Variants in CSMD1 observed in about 807,000 individuals in gnomAD.
The protein encoded by CSMD1 is CUB and sushi domain-containing protein 1.
A neutral mutation model predicts 417.5 loss-of-function variants in CSMD1; 213 were observed. The ratio of observed to expected loss-of-function variants is 0.51; its 90% CI spans 0.46 to 0.57. CSMD1 has a LOEUF of 0.57. CSMD1 is among the 20% of genes least tolerant of loss of function. CSMD1 has a pLI of 0.00. For synonymous variants in CSMD1, 2,862 were observed against 1,736.8 expected (o/e 1.65, Z -16.11); for missense variants, 6,923 against 4,529.7 (o/e 1.53, Z -15.17).
intron 54 of CSMD1, among the ~76,000 whole-genome samples, chr8:2,980,498 C>T (rs1161806860): frequency 6.6e-6 from 1 of 151,984 alleles, no homozygotes; most frequent in Non-Finnish European, 1.5e-5. Context: ...CTTTCTCCTC[C>T]TCCTTATCAT....
intron 3 of CSMD1, among the ~76,000 whole-genome samples, chr8:4,080,554 G>C (rs967975571): frequency 6.6e-6 from 1 of 152,136 alleles, no homozygotes; most frequent in Non-Finnish European, 1.5e-5. Flanking sequence ...GGTTTCTCCA[G>C]AAGATAAAAC....
Position 3,106,577 on chromosome 8 carries a change from G to T in CSMD1, c.6900C>A (p.Cys2300Ter). ...CAAACTGCAACTGGGAACTGAGCTT[G>T]CAAGTCAGAATGTCGGTCCCCACCA... Reference protein sequence around the residue: ...YTLVGTDILTCKLSSQLQFEG... With the variant: ...YTLVGTDILT Residue 2300 changes from cysteine to a stop codon, truncating the protein, a stop_gained, in exon 46 of 70, where the codon TGC becomes TGA. Coordinates refer to ENST00000635120, the MANE Select transcript of CSMD1 (RefSeq NM_033225.6). LOFTEE classifies it high-confidence loss of function. 1 of 1,613,906 alleles carries T rather than the reference G, an allele frequency of 6.2e-7. No individual in the cohort carries two copies. The highest frequency in any genetic ancestry group is 8.5e-7 in the Non-Finnish European group (1 of 1,179,838).
intron 1 of CSMD1, among the ~76,000 whole-genome samples, chr8:4,689,415 GA>G (rs1160927389): frequency 2.0e-5 from 3 of 152,100 alleles, no homozygotes; most frequent in African/African-American, 7.2e-5. Context: ...TGTTTCATAA[GA>G]AATAAGAAAA....
chr8:3,384,865 A>T (rs569718980), intron 18 of CSMD1, among the ~76,000 whole-genome samples: 2 of 121,988 alleles, frequency 1.6e-5, no homozygotes, highest in Admixed American at 9.7e-5. Context: ...TTTATATGTA[A>T]ATATATATTA....
intron 3 of CSMD1, among the ~76,000 whole-genome samples, chr8:4,419,058 G>A (rs549965283): frequency 2.5e-4 from 38 of 152,110 alleles, no homozygotes; most frequent in Non-Finnish European, 3.7e-4. Context: ...CACAAAATAC[G>A]ATTTTTGCCT....
At chr8:3,627,620 G>A (rs367812779) in intron 7 of CSMD1, among the ~76,000 whole-genome samples, 2 of 152,220 alleles carry the variant, frequency 1.3e-5, no homozygotes, top group East Asian at 1.9e-4. Context: ...AAACTTTAAT[G>A]TTTATAGGGA....
chr8:4,895,104 T>C (rs1804390141), intron 1 of CSMD1, among the ~76,000 whole-genome samples: 1 of 152,200 alleles, frequency 6.6e-6, no homozygotes, highest in Non-Finnish European at 1.5e-5. Flanking sequence ...CAGGAACTGG[T>C]TATTAAAGAG....
intron 1 of CSMD1, among the ~76,000 whole-genome samples, chr8:4,819,393 T>C (rs1194172600): frequency 1.3e-5 from 2 of 152,136 alleles, no homozygotes; most frequent in African/African-American, 4.8e-5. Context: ...TTTGTTTCAT[T>C]TTATGTCATT....
At chr8:3,059,107 G>A (rs563498815) in intron 49 of CSMD1, among the ~76,000 whole-genome samples, 2 of 151,980 alleles carry the variant, frequency 1.3e-5, no homozygotes, top group South Asian at 4.2e-4. Flanking sequence ...TGAGACCATA[G>A]GAGACGCTGC....
At chr8:3,255,261 A>G (rs1042864176) in intron 26 of CSMD1, among the ~76,000 whole-genome samples, 1 of 151,270 alleles carries the variant, frequency 6.6e-6, no homozygotes, top group Non-Finnish European at 1.5e-5. Context: ...CAGCCGTGTG[A>G]GGTGTCAGTC....
At chr8:3,460,722 C>T (rs530432792) in intron 12 of CSMD1, among the ~76,000 whole-genome samples, 1 of 152,220 alleles carries the variant, frequency 6.6e-6, no homozygotes, top group Admixed American at 6.5e-5. Context: ...GAAGAAATAA[C>T]ACAAAAACAA....
At chr8:4,154,509 C>G (rs541428055) in intron 3 of CSMD1, among the ~76,000 whole-genome samples, 1 of 152,226 alleles carries the variant, frequency 6.6e-6, no homozygotes, top group East Asian at 1.9e-4. Context: ...TGTGTGCAGA[C>G]AAGAGCCACT....
At chr8:3,357,066 G>A (rs757767133) in intron 21 of CSMD1, among the ~76,000 whole-genome samples, 1 of 152,122 alleles carries the variant, frequency 6.6e-6, no homozygotes, top group African/African-American at 2.4e-5. Context: ...GTGGGGAGGA[G>A]GAGCCTGAAC....
intron 63 of CSMD1, 46 bp downstream of exon 63, chr8:2,957,650 C>A: frequency 8.2e-7 from 1 of 1,222,472 alleles, no homozygotes; most frequent in Non-Finnish European, 1.2e-6. Context: ...CAGACATTCA[C>A]AATAAATAGG....
intron 5 of CSMD1, among the ~76,000 whole-genome samples, chr8:3,920,361 G>T (rs1158517136): frequency 6.6e-6 from 1 of 151,766 alleles, no homozygotes; most frequent in East Asian, 1.9e-4. Flanking sequence ...GTGTGTGTTT[G>T]TGTGTGTGTG....
At position 4,394,834 on chromosome 8, in the gene CSMD1, G is replaced by T. The variant is rs1365758123; in HGVS notation, c.415+25119C>A. The stretch of plus-strand genomic sequence containing the variant: ...CTTTAAATTTCTGGATTTTTTCATG[G>T]TCCTTTGTGCTTCTCTGGGCTAGAG... On this transcript the variant is annotated intron_variant, in intron 3 of 69. Transcript: ENST00000635120. 2.0e-5 allele frequency among the ~76,000 whole-genome samples: 3 copies of T among 152,058 alleles called. No individual in the cohort carries two copies. The East Asian group carries it at 5.8e-4, about 29-fold the overall frequency.
intron 26 of CSMD1, among the ~76,000 whole-genome samples, chr8:3,271,847 T>G (rs1232045320): frequency 6.6e-6 from 1 of 152,120 alleles, no homozygotes; most frequent in Non-Finnish European, 1.5e-5. Context: ...GTCAGATGAG[T>G]AGGTTGTGAA....
chr8:3,468,592 T>C (rs768057859), intron 12 of CSMD1, 120 bp downstream of exon 12: 5 of 601,580 alleles, frequency 8.3e-6, no homozygotes, highest in African/African-American at 7.5e-5. Context: ...CCCGTCATGA[T>C]TCCTATTTAT....
chr8:2,955,082 T>A (rs1018302438), intron 64 of CSMD1, among the ~76,000 whole-genome samples: 1 of 152,246 alleles, frequency 6.6e-6, no homozygotes, highest in Non-Finnish European at 1.5e-5. Context: ...ATCGTTTCCA[T>A]GTGAATTGCT....
Sources: allele counts gnomAD v4.1 joint callset (sites outside exome capture counted in the v4.1 genomes callset), GRCh38; gene constraint gnomAD v4.1.1; transcripts MANE v1.5; gene names NCBI Gene and HGNC (gene_info 2026-07-23, HGNC 2026-07-21).